ZNF469: variants seen among roughly 807,000 people sequenced by gnomAD.
ZNF469 encodes zinc finger protein 469.
A neutral mutation model predicts 1.0 loss-of-function variants in ZNF469; 1 was observed. The observed-to-expected ratio is 1.00, with a 90% CI of 0.35 to 4.73. The LOEUF is 4.73. Ranked by LOEUF, ZNF469 falls within the 30% of genes most tolerant of loss-of-function variation. The pLI, the probability that ZNF469 is intolerant of heterozygous loss-of-function variation, is 0.16. For missense variants in ZNF469, 6,100 were observed against 5,356.3 expected (o/e 1.14, Z -4.33); for synonymous variants, 2,703 against 2,363.4 (o/e 1.14, Z -4.17).
the ZNF469 span, among the ~76,000 whole-genome samples, chr16:88,101,638 A>T: frequency 6.6e-6 from 1 of 151,884 alleles, no homozygotes; most frequent in South Asian, 2.1e-4. Context: ...TGGGGCTTGC[A>T]AGTCCACAGC....
the ZNF469 span, among the ~76,000 whole-genome samples, chr16:88,239,665 T>G: frequency 1.4e-5 from 1 of 73,228 alleles, no homozygotes; most frequent in Non-Finnish European, 2.7e-5. Flanking sequence ...TTTTTTTTTT[T>G]TGTATATATA....
At chr16:88,286,221 C>T in the ZNF469 span, among the ~76,000 whole-genome samples, 3 of 152,234 alleles carry the variant, frequency 2.0e-5, no homozygotes, top group African/African-American at 4.8e-5. Context: ...CCTAAGAAGC[C>T]CCCACTCCGT....
the ZNF469 span, among the ~76,000 whole-genome samples, chr16:88,316,951 C>T: frequency 3.3e-5 from 5 of 152,212 alleles, no homozygotes; most frequent in African/African-American, 1.2e-4. Context: ...AGATCCCACG[C>T]GCTCTCCAGC....
chr16:88,344,488 G>A, the ZNF469 span, among the ~76,000 whole-genome samples: 1 of 152,200 alleles, frequency 6.6e-6, no homozygotes, highest in Admixed American at 6.5e-5. Flanking sequence ...TGCAGTGCTG[G>A]GCACAGGGCC....
upstream of ZNF469, among the ~76,000 whole-genome samples, chr16:88,382,718 A>G (rs1194481249): frequency 6.6e-6 from 1 of 152,228 alleles, no homozygotes; most frequent in Non-Finnish European, 1.5e-5. Context: ...GCATTATGGC[A>G]GACGTTTTTT....
chr16:88,355,895 T>C, the ZNF469 span, among the ~76,000 whole-genome samples: 8 of 152,118 alleles, frequency 5.3e-5, no homozygotes, highest in Non-Finnish European at 1.2e-4. Flanking sequence ...CGGCCGCCTC[T>C]TGGGTCAGCC....
chr16:88,287,403 A>G, the ZNF469 span, among the ~76,000 whole-genome samples: 409 of 152,354 alleles, frequency 2.7e-3, 2 homozygotes, highest in African/African-American at 9.4e-3. Flanking sequence ...GTGGTTGTGT[A>G]CAACCGCACC....
At chr16:88,166,749 C>T in the ZNF469 span, among the ~76,000 whole-genome samples, 4 of 140,398 alleles carry the variant, frequency 2.8e-5, no homozygotes, top group Non-Finnish European at 4.5e-5. This position sits in a 1 kb window ranked among gnomAD's most constrained non-coding sequence, Gnocchi z 4.5. Flanking sequence ...TGGATCAGGG[C>T]GCTCCAGAGA....
At chr16:88,184,856 A>G in the ZNF469 span, among the ~76,000 whole-genome samples, 1 of 152,206 alleles carries the variant, frequency 6.6e-6, no homozygotes, top group African/African-American at 2.4e-5. Flanking sequence ...TTGTGCGGGG[A>G]CACGTGCGTG....
chr16:88,378,112 G>A (rs2092513741), upstream of ZNF469, among the ~76,000 whole-genome samples: 2 of 152,136 alleles, frequency 1.3e-5, no homozygotes. Context: ...GGAGTGGTGA[G>A]GCCGCAGCAC....
chr16:88,317,498 C>T, the ZNF469 span, among the ~76,000 whole-genome samples: 1 of 152,338 alleles, frequency 6.6e-6, no homozygotes, highest in East Asian at 1.9e-4. Context: ...GGCCACGGGC[C>T]TGTGGTCCAG....
At chr16:88,115,421 C>T in the ZNF469 span, among the ~76,000 whole-genome samples, 29 of 151,918 alleles carry the variant, frequency 1.9e-4, no homozygotes, top group African/African-American at 3.4e-4. Flanking sequence ...CGGGGGTCAC[C>T]GCCGTGCACC....
chr16:88,369,259 T>C, the ZNF469 span, among the ~76,000 whole-genome samples: 1 of 152,092 alleles, frequency 6.6e-6, no homozygotes, highest in African/African-American at 2.4e-5. Flanking sequence ...CCCTCCCAGG[T>C]AGGCAGGACG....
upstream of ZNF469, among the ~76,000 whole-genome samples, chr16:88,379,815 T>A (rs1599339176): frequency 6.6e-6 from 1 of 152,120 alleles, no homozygotes; most frequent in Non-Finnish European, 1.5e-5. Context: ...CCGCGGGCCT[T>A]GGCCAGGTTG....
chr16:88,254,912 A>T, the ZNF469 span, among the ~76,000 whole-genome samples: 2 of 152,030 alleles, frequency 1.3e-5, no homozygotes, highest in African/African-American at 4.8e-5. Flanking sequence ...GAAAATTAAC[A>T]TTGTAATGGT....
At chr16:88,367,985 G>A in the ZNF469 span, among the ~76,000 whole-genome samples, 4 of 152,152 alleles carry the variant, frequency 2.6e-5, no homozygotes, top group Non-Finnish European at 4.4e-5. Context: ...ACGAAAGCAC[G>A]CCCGATCTCA....
the ZNF469 span, among the ~76,000 whole-genome samples, chr16:88,362,942 A>G: frequency 6.6e-6 from 1 of 152,162 alleles, no homozygotes; most frequent in Non-Finnish European, 1.5e-5. Context: ...CCATTAATCT[A>G]TGTTCAAACT....
At chr16:88,125,341 A>G in the ZNF469 span, among the ~76,000 whole-genome samples, 5 of 152,236 alleles carry the variant, frequency 3.3e-5, no homozygotes, top group Non-Finnish European at 7.3e-5. Context: ...TTTGCATTTC[A>G]GAAATTCAAA....
the ZNF469 span, among the ~76,000 whole-genome samples, chr16:88,221,593 T>C: frequency 6.6e-6 from 1 of 152,240 alleles, no homozygotes; most frequent in Non-Finnish European, 1.5e-5. Flanking sequence ...GCGTCCAGTC[T>C]GCTATGTCTC....
Sources: gnomAD v4.1 joint callset for allele counts (sites outside exome capture counted in the v4.1 genomes callset) on GRCh38, gnomAD v4.1.1 for gene constraint, Gnocchi (gnomAD v3.1) non-coding constraint, MANE v1.5 for transcripts, NCBI Gene and HGNC (gene_info 2026-07-23, HGNC 2026-07-21) for gene names.